Variants in GAN observed in about 807,000 individuals in gnomAD.
GAN encodes the protein gigaxonin.
A neutral mutation model predicts 71.3 loss-of-function variants in GAN; 48 were observed. The ratio of observed to expected loss-of-function variants is 0.67; its 90% CI spans 0.53 to 0.86. GAN has a LOEUF of 0.86. Ranked by LOEUF, GAN falls within the 40% of genes least tolerant of loss-of-function variation. GAN has a pLI of 0.00. For synonymous variants in GAN, 386 were observed against 276.8 expected (o/e 1.39, Z -3.92); for missense variants, 928 against 770.1 (o/e 1.21, Z -2.43).
chr16:81,370,826 C>T (rs1472234243), intron 9 of GAN, among the ~76,000 whole-genome samples: 1 of 152,234 alleles, frequency 6.6e-6, no homozygotes, highest in Non-Finnish European at 1.5e-5. Flanking sequence ...ATATTACTTC[C>T]ATCCTTTTAC....
In GAN at chr16:81,356,900, A is replaced by G. The variant is rs780118611; in HGVS notation, c.749A>G (p.Asn250Ser). 3 of 1,613,978 alleles carry G rather than the reference A, an allele frequency of 1.9e-6. No individual in the cohort carries two copies. The highest frequency in any genetic ancestry group is 2.7e-5 in the African/African-American group (2 of 75,040). ...LVREIVKECS[N>S]IPLSQPQQGE... ...CGAGAAATTGTCAAAGAGTGTAGCA[A>G]TATACCGCTCAGCCAGCCGCAGCAA... is the stretch of plus-strand genomic sequence containing the variant. The change falls in exon 4 of 11, where the codon AAT becomes AGT. Residue 250 changes from asparagine to serine, a missense_variant. Physicochemically the swap from Asn to Ser is conservative, Grantham distance 46. Transcript: ENST00000648994.
chr16:81,368,514 G>A (rs1383255239), intron 9 of GAN, among the ~76,000 whole-genome samples: 1 of 152,164 alleles, frequency 6.6e-6, no homozygotes, highest in Admixed American at 6.5e-5. Context: ...GGCTGAGGCA[G>A]AAGGATCACT....
Position 81,335,536 on chromosome 16 carries a change from C to T in GAN, c.168-16047C>T, listed in dbSNP as rs543623248. Among the ~76,000 whole-genome samples the T allele has an allele frequency of 3.9e-5, 6 of 152,154 alleles. No individual in the cohort carries two copies. In the South Asian group the frequency reaches 6.2e-4, roughly 16 times the overall value. On this transcript the variant is annotated intron_variant, in intron 1 of 10. Coordinates refer to ENST00000648994, the MANE Select transcript of GAN (RefSeq NM_022041.4). ...CCAAGGTGGGCAGATCAACTGAGGT[C>T]AGGAGTTCGAGACCAGCCTGGCCAA...
rs1026413157 is a variant in GAN, at chr16:81,390,383, C to A, written c.*12787C>A. On this transcript the variant is annotated 3_prime_UTR_variant, in exon 11 of 11. Coordinates refer to ENST00000648994, the MANE Select transcript of GAN (RefSeq NM_022041.4). ...GTCAGAAGTAATTTTTAATTAATAACCTTTCTTTTTAAAAGTTGCTTTATG... is the reference window on the plus strand; with the variant it reads ...GTCAGAAGTAATTTTTAATTAATAAACTTTCTTTTTAAAAGTTGCTTTATG... The A allele has an allele frequency of 1.3e-5, 2 of 152,146 alleles. No homozygotes were observed. The highest frequency in any genetic ancestry group is 2.9e-5 in the Non-Finnish European group (2 of 68,022). The allele number at this position is 152,146 out of a possible 1,614,324, so 9.4% of individuals were successfully genotyped here.
In GAN at chr16:81,383,899, A is replaced by G. The variant is rs1384715368; in HGVS notation, c.*6303A>G. 2 of 152,066 alleles carry G rather than the reference A, an allele frequency of 1.3e-5. No individual in the cohort carries two copies. Among genetic ancestry groups the G allele is most frequent in the African/African-American group, 2.4e-5 (1 of 41,408 alleles). The allele number at this position is 152,066 out of a possible 1,614,324, so 9.4% of individuals were successfully genotyped here. ...ATCTGTCTTCTGGTTGGTGAATTAT[A>G]TTTATTAGGATCTTATTTTTAGCAT... On this transcript the variant is annotated 3_prime_UTR_variant, in exon 11 of 11. Transcript: ENST00000648994.
intron 1 of GAN, among the ~76,000 whole-genome samples, chr16:81,338,731 G>A (rs1415168975): frequency 2.0e-5 from 3 of 152,256 alleles, no homozygotes; most frequent in African/African-American, 4.8e-5. Context: ...AACGGTGACT[G>A]TCCCAGAAAT....
At chr16:81,323,238 G>A (rs1334926439) in intron 1 of GAN, among the ~76,000 whole-genome samples, 1 of 152,102 alleles carries the variant, frequency 6.6e-6, no homozygotes, top group African/African-American at 2.4e-5. Context: ...TTGTTCTCCT[G>A]CTTGGCCTCC....
chr16:81,331,036 C>G (rs544737218), intron 1 of GAN, among the ~76,000 whole-genome samples: 151 of 152,224 alleles, frequency 9.9e-4, no homozygotes, highest in African/African-American at 3.5e-3. Flanking sequence ...AAGATCCCAT[C>G]TTTACAAAAA....
intron 3 of GAN, among the ~76,000 whole-genome samples, chr16:81,356,130 G>T (rs565051427): frequency 2.6e-5 from 4 of 152,250 alleles, no homozygotes; most frequent in African/African-American, 9.6e-5. Flanking sequence ...TTGTCCTTTG[G>T]TCAGTTTAAA....
intron 1 of GAN, among the ~76,000 whole-genome samples, chr16:81,350,989 A>G (rs1910282203): frequency 6.6e-6 from 1 of 152,260 alleles, no homozygotes; most frequent in South Asian, 2.1e-4. Context: ...CCTCTATAAA[A>G]TTTTAAGTCA....
intron 9 of GAN, among the ~76,000 whole-genome samples, chr16:81,376,625 T>C (rs1011456082): frequency 1.3e-5 from 2 of 148,386 alleles, no homozygotes; most frequent in Non-Finnish European, 3.0e-5. Context: ...TATGTATATA[T>C]ACATACATAT....
intron 1 of GAN, among the ~76,000 whole-genome samples, chr16:81,337,917 C>A (rs1322906971): frequency 6.6e-6 from 1 of 152,210 alleles, no homozygotes; most frequent in Admixed American, 6.5e-5. Context: ...ATTGATTTGG[C>A]CAGAGTTAAG....
At chr16:81,371,625 G>A (rs1182216595) in intron 9 of GAN, among the ~76,000 whole-genome samples, 1 of 152,058 alleles carries the variant, frequency 6.6e-6, no homozygotes, top group Non-Finnish European at 1.5e-5. Flanking sequence ...AAATTGAGGG[G>A]TGCTTCTCTA....
rs1904345213 is a variant in GAN, at chr16:81,384,482, G to T, written c.*6886G>T. ...AACGCCACTGCTGTGTAAAACAGGG[G>T]GCTCGATTTCCATTCTTGTTAGCAT... On this transcript the variant is annotated 3_prime_UTR_variant, in exon 11 of 11. Coordinates refer to ENST00000648994, the MANE Select transcript of GAN (RefSeq NM_022041.4). The T allele has an allele frequency of 6.6e-6, 1 of 152,036 alleles. No homozygotes were observed. Among genetic ancestry groups the T allele is most frequent in the Non-Finnish European group, 1.5e-5 (1 of 68,008 alleles). The allele number at this position is 152,036 out of a possible 1,614,324, so 9.4% of individuals were successfully genotyped here.
In GAN at chr16:81,356,905, C is replaced by T. The variant is rs2150687009; in HGVS notation, c.754C>T (p.Pro252Ser). ...AATTGTCAAAGAGTGTAGCAATATA[C>T]CGCTCAGCCAGCCGCAGCAAGGGGA... ...REIVKECSNI[P>S]LSQPQQGEAM... The change falls in exon 4 of 11, where the codon CCG (proline) becomes TCG (serine). Residue 252 changes from proline (P) to serine (S), a missense_variant. Physicochemically the swap from Pro to Ser is moderately conservative, Grantham distance 74 (BLOSUM62 -1). Coordinates refer to ENST00000648994, the MANE Select transcript of GAN (RefSeq NM_022041.4). 4.3e-6 allele frequency: 7 copies of T among 1,613,742 alleles called. No homozygotes were observed. The highest frequency in any genetic ancestry group is 5.9e-6 in the Non-Finnish European group (7 of 1,179,702).
In GAN at chr16:81,346,410, C is replaced by A. The variant is rs117008095; in HGVS notation, c.168-5173C>A. On this transcript the variant is annotated intron_variant, in intron 1 of 10. Transcript: ENST00000648994. ...TTAGGACTGGGCCATGGCCTTAGGACTGGGCCACACAGTGGGAGGTGAGGC... is the reference window on the plus strand; with the variant it reads ...TTAGGACTGGGCCATGGCCTTAGGAATGGGCCACACAGTGGGAGGTGAGGC... Among the ~76,000 whole-genome samples, 274 of 129,562 alleles carry A rather than the reference C, an allele frequency of 2.1e-3. 9 individuals carry two copies. The East Asian group carries it at 0.051, about 24-fold the overall frequency. The allele number at this position is 129,562 out of a possible 152,430, so 85.0% of individuals were successfully genotyped here. A position where few individuals can be genotyped will look rare whatever the true frequency, so the allele number is the denominator to read the frequency against.
intron 1 of GAN, among the ~76,000 whole-genome samples, chr16:81,332,368 A>G (rs561450947): frequency 6.6e-6 from 1 of 152,274 alleles, no homozygotes; most frequent in East Asian, 1.9e-4. Flanking sequence ...AGCAGGAGCT[A>G]TGTGCCCTAA....
rs310020 is a variant in GAN at position 81,387,470 on chromosome 16, A to G, written c.*9874A>G. On this transcript the variant is annotated 3_prime_UTR_variant, in exon 11 of 11. Coordinates refer to ENST00000648994, the MANE Select transcript of GAN (RefSeq NM_022041.4). ...CTGCAGTTTTATTCTCAGCTCTGGA[A>G]GGAGAGGGAACGAGCCTCTGCCTGT... 57,365 of 152,252 alleles carry G rather than the reference A, an allele frequency of 0.38. 11,033 individuals are homozygous for G. The highest frequency in any genetic ancestry group is 0.43 in the African/African-American group (17,978 of 41,414). The allele number at this position is 152,252 out of a possible 1,614,324, so 9.4% of individuals were successfully genotyped here.
intron 4 of GAN, among the ~76,000 whole-genome samples, 179 bp downstream of exon 4, chr16:81,357,181 G>A (rs985848600): frequency 3.3e-5 from 5 of 151,796 alleles, no homozygotes; most frequent in Non-Finnish European, 7.4e-5. Context: ...ATGTATACAT[G>A]TGCCATGCTG....
Sources: gnomAD v4.1 joint callset for allele counts (sites outside exome capture counted in the v4.1 genomes callset) on GRCh38, gnomAD v4.1.1 for gene constraint, MANE v1.5 for transcripts, NCBI Gene and HGNC (gene_info 2026-07-23, HGNC 2026-07-21) for gene names.